FGF14: variants seen among roughly 807,000 people sequenced by gnomAD.
FGF14 encodes the protein fibroblast growth factor 14.
Under a neutral mutation model 25.5 loss-of-function variants are expected in FGF14, and 5 were observed. The ratio of observed to expected loss-of-function variants is 0.20; its 90% CI spans 0.10 to 0.41. The LOEUF is 0.41. Among genes scored for constraint, FGF14 ranks in the 10% least tolerant of loss-of-function variants. The probability of loss-of-function intolerance (pLI) is 1.00; values close to 1 mark genes in which losing one functional copy is unlikely to be tolerated. For synonymous variants in FGF14, 138 were observed against 118.3 expected, an observed-to-expected ratio of 1.17 and a Z score of -1.08; for missense variants, 222 against 320.1, an observed-to-expected ratio of 0.69 and a Z score of 2.34.
chr13:101,775,686 G>A (rs1273321324), intron 3 of FGF14, among the ~76,000 whole-genome samples: 2 of 152,168 alleles, frequency 1.3e-5, no homozygotes, highest in African/African-American at 2.4e-5. Context: ...TAGGGAAAAA[G>A]TGTAATGATG....
chr13:102,191,655 C>G (rs2049128866), intron 1 of FGF14, among the ~76,000 whole-genome samples: 1 of 152,164 alleles, frequency 6.6e-6, no homozygotes. Flanking sequence ...CCAAGATGTC[C>G]TTCTCACATG....
At chr13:102,059,432 T>C (rs1001487261) in intron 1 of FGF14, among the ~76,000 whole-genome samples, 2 of 152,196 alleles carry the variant, frequency 1.3e-5, no homozygotes, top group African/African-American at 2.4e-5. Flanking sequence ...GCTTTCTCAA[T>C]AGCCAGCTTG....
At chr13:102,127,146 G>A (rs1261275472) in intron 1 of FGF14, among the ~76,000 whole-genome samples, 2 of 151,944 alleles carry the variant, frequency 1.3e-5, no homozygotes, top group African/African-American at 4.8e-5. Flanking sequence ...TGTGATCATT[G>A]TATAGCTACA....
chr13:101,933,680 C>T (rs1212265773), intron 1 of FGF14, among the ~76,000 whole-genome samples: 1 of 152,162 alleles, frequency 6.6e-6, no homozygotes, highest in Non-Finnish European at 1.5e-5. Context: ...GCCAAGATCG[C>T]ACCACTGCGA....
At chr13:101,888,241 T>A (rs2046093548) in intron 1 of FGF14, among the ~76,000 whole-genome samples, 1 of 152,062 alleles carries the variant, frequency 6.6e-6, no homozygotes, top group African/African-American at 2.4e-5. Context: ...CCCATCGGAG[T>A]CACATTTTAG....
At chr13:102,281,085 T>A (rs1190512166) in intron 1 of FGF14, among the ~76,000 whole-genome samples, 1 of 152,242 alleles carries the variant, frequency 6.6e-6, no homozygotes, top group Non-Finnish European at 1.5e-5. Flanking sequence ...CCCCAAGTGC[T>A]TGAGTTTCAG....
chr13:101,828,472 C>CTTT (rs59346051), intron 3 of FGF14, among the ~76,000 whole-genome samples: 158 of 141,172 alleles, frequency 1.1e-3, no homozygotes, highest in African/African-American at 4.0e-3. Context: ...AAATAAAAGA[C>CTTT]TTTTTTTTTT....
At chr13:102,046,657 A>G (rs2041997842) in intron 1 of FGF14, among the ~76,000 whole-genome samples, 1 of 152,186 alleles carries the variant, frequency 6.6e-6, no homozygotes, top group Non-Finnish European at 1.5e-5. Flanking sequence ...GTGATATCCA[A>G]TAAAAGGTGG....
intron 1 of FGF14, among the ~76,000 whole-genome samples, chr13:101,983,768 G>T (rs2038403229): frequency 6.6e-6 from 1 of 152,084 alleles, no homozygotes; most frequent in East Asian, 1.9e-4. Flanking sequence ...GGCATTTCTG[G>T]GCAGCCATAG....
chr13:101,824,547 A>T (rs2042310377), intron 3 of FGF14, among the ~76,000 whole-genome samples: 1 of 152,238 alleles, frequency 6.6e-6, no homozygotes, highest in South Asian at 2.1e-4. Flanking sequence ...TATTAAAACT[A>T]AAATGAAGAA....
chr13:101,892,121 AAAT>A (rs766795093), intron 1 of FGF14, among the ~76,000 whole-genome samples: 1 of 152,188 alleles, frequency 6.6e-6, no homozygotes, highest in Non-Finnish European at 1.5e-5. Context: ...AAGGAAAATA[AAAT>A]AATAGGGAAT....
At chr13:101,805,711 A>G (rs1388642810) in intron 3 of FGF14, among the ~76,000 whole-genome samples, 1 of 152,192 alleles carries the variant, frequency 6.6e-6, no homozygotes, top group Admixed American at 6.6e-5. Context: ...ACCAGTGTAC[A>G]ATAAATATAA....
At chr13:102,385,287 C>T (rs951852594) in intron 1 of FGF14, among the ~76,000 whole-genome samples, 1 of 152,128 alleles carries the variant, frequency 6.6e-6, no homozygotes, top group African/African-American at 2.4e-5. Context: ...TATAGAAGAA[C>T]CTATAATGTA....
chr13:102,357,661 T>C (rs1201083397), intron 1 of FGF14, among the ~76,000 whole-genome samples: 2 of 152,134 alleles, frequency 1.3e-5, no homozygotes, highest in Non-Finnish European at 2.9e-5. Flanking sequence ...ATAGGGACAT[T>C]GTGGAGTTTC....
intron 1 of FGF14, among the ~76,000 whole-genome samples, chr13:102,140,370 T>C (rs1431537385): frequency 1.3e-5 from 2 of 152,130 alleles, no homozygotes; most frequent in African/African-American, 4.8e-5. Context: ...GGCACAATGT[T>C]TGATGTTGGA....
intron 1 of FGF14, among the ~76,000 whole-genome samples, chr13:101,968,539 G>T (rs1371220495): frequency 3.9e-5 from 6 of 151,990 alleles, no homozygotes; most frequent in Non-Finnish European, 8.8e-5. Context: ...CAGGCGTGGT[G>T]GCAGGCGCCT....
rs557150721 is a variant in FGF14, at chr13:101,886,992, GAT to G, written c.194-11698_194-11697del. On this transcript the variant is annotated intron_variant, in intron 1 of 4. Coordinates refer to ENST00000376143, the MANE Select transcript of FGF14 (RefSeq NM_004115.4). ...AAAATGCAAATCAAAGCCACAATGA[GAT>G]ACTATCTCACCCCAGTTGACATGGC... Among the ~76,000 whole-genome samples the G allele has an allele frequency of 2.2e-4, 34 of 152,202 alleles. No individual in the cohort carries two copies. The South Asian group carries it at 2.7e-3, about 12-fold the overall frequency.
intron 1 of FGF14, among the ~76,000 whole-genome samples, chr13:102,043,806 C>CT (rs1334278413): frequency 6.6e-6 from 1 of 152,132 alleles, no homozygotes; most frequent in Non-Finnish European, 1.5e-5. Context: ...CTGGGTCTCA[C>CT]TTTAGATGGT....
At chr13:102,199,499 C>A (rs2049515421) in intron 1 of FGF14, among the ~76,000 whole-genome samples, 1 of 152,152 alleles carries the variant, frequency 6.6e-6, no homozygotes, top group South Asian at 2.1e-4. Flanking sequence ...GATTAGGTAG[C>A]AAACCTAGTT....
Sources: gnomAD v4.1 joint callset for allele counts (sites outside exome capture counted in the v4.1 genomes callset) on GRCh38, gnomAD v4.1.1 for gene constraint, MANE v1.5 for transcripts, NCBI Gene and HGNC (gene_info 2026-07-23, HGNC 2026-07-21) for gene names.